The following PFKL variants were observed in gnomAD, a reference collection of about 807,000 sequenced individuals.
PFKL encodes phosphofructokinase, liver type, also known as ATP-dependent 6-phosphofructokinase, liver type.
Under a neutral mutation model 92.1 loss-of-function variants are expected in PFKL, and 74 were observed. The ratio of observed to expected loss-of-function variants is 0.80; its 90% CI spans 0.67 to 0.97. The LOEUF is 0.97. Among genes scored for constraint, PFKL ranks in the 50% least tolerant of loss-of-function variants. The probability of loss-of-function intolerance (pLI) is 0.00; values close to 1 mark genes in which losing one functional copy is unlikely to be tolerated. For synonymous variants in PFKL, 494 were observed against 456.4 expected (o/e 1.08, Z -1.05); for missense variants, 1,028 against 1,116.6 (o/e 0.92, Z 1.13).
intron 16 of PFKL, 66 bp from the exon 17 acceptor site, chr21:44,324,425 C>T: frequency 6.5e-7 from 1 of 1,546,476 alleles, no homozygotes; most frequent in Non-Finnish European, 8.9e-7. Context: ...TGCAGGGTAG[C>T]CATGCCGACG....
intron 14 of PFKL, among the ~76,000 whole-genome samples, 173 bp from the exon 15 acceptor site, chr21:44,322,789 G>A (rs573944801): frequency 7.9e-5 from 12 of 152,298 alleles, no homozygotes; most frequent in African/African-American, 2.6e-4. Context: ...GGCGGCTCAC[G>A]CTGGGCCTGT....
rs762774250 is a variant in PFKL, at chr21:44,313,681, G to A, written c.637G>A (p.Gly213Arg). ...FVLEVMGRHC[G>R]YLALVSALAS... ...GCTGGAAGTGATGGGCCGGCACTGC[G>A]GGTGAGGAGGGGCTTCCTGGCCCGC... The change falls in exon 6 of 22, where the codon GGG (glycine) becomes AGG (arginine). Residue 213 changes from glycine (G) to arginine (R), a missense_variant and splice_region_variant. By Grantham distance (125) the Gly-to-Arg change is moderately radical. Transcript: ENST00000349048. 8 of 1,611,142 alleles carry A rather than the reference G, an allele frequency of 5.0e-6. No individual in the cohort carries two copies. In the Admixed American group the frequency reaches 8.4e-5, roughly 17 times the overall value.
intron 1 of PFKL, among the ~76,000 whole-genome samples, chr21:44,301,529 T>C (rs1476447257): frequency 6.6e-6 from 1 of 152,048 alleles, no homozygotes; most frequent in Admixed American, 6.6e-5. Flanking sequence ...GCAGGCCGGG[T>C]GCGGTGGCTC....
chr21:44,323,108 C>T (rs1001340944), intron 15 of PFKL, 59 bp downstream of exon 15: 79 of 1,377,796 alleles, frequency 5.7e-5, no homozygotes, highest in Middle Eastern at 1.8e-4. Flanking sequence ...GGTGTCCTCC[C>T]GCCGAGGGGG....
At chr21:44,312,435 G>C in intron 4 of PFKL, 141 bp downstream of exon 4, 1 of 754,616 alleles carries the variant, frequency 1.3e-6, no homozygotes, top group Non-Finnish European at 2.0e-6. Context: ...GTTGGCCGGG[G>C]AGGAGTAGTG....
At chr21:44,303,839 A>C (rs986674866) in intron 1 of PFKL, among the ~76,000 whole-genome samples, 2 of 152,124 alleles carry the variant, frequency 1.3e-5, no homozygotes, top group African/African-American at 2.4e-5. Flanking sequence ...AGGGGTGGCT[A>C]TCACCTGCTG....
chr21:44,326,218 G>A lies in PFKL; in HGVS notation c.2149G>A (p.Val717Met), dbSNP rs1438807418. ...CGTGATCGGCCTGAAGAAGAAGGCG[G>A]TGGCCTTCAGCCCCGTCACTGAGCT... ...ACVIGLKKKAVAFSPVTELKK... is the reference protein window; with the variant it reads ...ACVIGLKKKAMAFSPVTELKK... The change falls in exon 21 of 22, where the codon GTG becomes ATG. Residue 717 changes from valine to methionine, a missense_variant. Val to Met is a conservative substitution (Grantham distance 21). Coordinates refer to ENST00000349048, the MANE Select transcript of PFKL (RefSeq NM_002626.6). The A allele has an allele frequency of 3.1e-6, 5 of 1,612,942 alleles. No homozygotes were observed. Among genetic ancestry groups the A allele is most frequent in the Non-Finnish European group, 4.2e-6 (5 of 1,179,714 alleles).
rs543931627 is a variant in PFKL, at chr21:44,311,191, C to G, written c.237+108C>G. The G allele has an allele frequency of 6.5e-6, 5 of 772,008 alleles. No homozygotes were observed. The East Asian group carries it at 1.4e-4, about 21-fold the overall frequency. 47.8% of individuals were successfully genotyped at this position (772,008 alleles called of 1,614,324 possible). A position where few individuals can be genotyped will look rare whatever the true frequency, so the allele number is the denominator to read the frequency against. ...ACACAGAGACAGACACGTGCACAAA[C>G]ACACACATGCAGACACACAGACATG... On this transcript the variant is annotated intron_variant, in intron 3 of 21. Transcript: ENST00000349048.
At position 44,327,216 on chromosome 21, in the gene PFKL, C is replaced by T. The variant is rs952509131; in HGVS notation, c.*354C>T. 5 of 304,478 alleles carry T rather than the reference C, an allele frequency of 1.6e-5. No homozygotes were observed. Among genetic ancestry groups the T allele is most frequent in the East Asian group, 1.3e-4 (2 of 15,956 alleles). 18.9% of individuals were successfully genotyped at this position (304,478 alleles called of 1,614,324 possible). On this transcript the variant is annotated 3_prime_UTR_variant, in exon 22 of 22. Coordinates refer to ENST00000349048, the MANE Select transcript of PFKL (RefSeq NM_002626.6). Reference sequence around the variant, plus strand: ...GGCTCACTACATGGGCCAGCCCTTGCTCTACCTGGCCGGTAGGCTGCTGGC... The same window carrying T: ...GGCTCACTACATGGGCCAGCCCTTGTTCTACCTGGCCGGTAGGCTGCTGGC...
intron 7 of PFKL, 40 bp from the exon 8 acceptor site, chr21:44,316,203 TC>T: frequency 6.3e-7 from 1 of 1,587,046 alleles, no homozygotes; most frequent in Middle Eastern, 1.7e-4. Context: ...GGGGCAGGTT[TC>T]CCTGCCTGGC....
intron 15 of PFKL, 93 bp from the exon 16 acceptor site, chr21:44,323,673 G>A: frequency 1.5e-6 from 2 of 1,362,158 alleles, no homozygotes; most frequent in South Asian, 1.3e-5. Flanking sequence ...CAGGTCAGCA[G>A]GGAGCAGGGC....
intron 9 of PFKL, among the ~76,000 whole-genome samples, chr21:44,316,828 G>A (rs949315030): frequency 2.6e-5 from 4 of 152,124 alleles, no homozygotes; most frequent in Non-Finnish European, 4.4e-5. Context: ...TGGCTTCTCC[G>A]TTCCCCTGCA....
Position 44,326,021 on chromosome 21 carries a change from C to CT in PFKL, c.2051dup (p.Trp685ValfsTer40), listed in dbSNP as rs1273606880. ...GACCAAGCTGGGGGTGAAGGCCATG[C>CT]TGTGGTTGTCGGAGAAGCTGCGCGA... On this transcript the variant is annotated frameshift_variant, in exon 20 of 22. Transcript: ENST00000349048. LOFTEE classifies it high-confidence loss of function. 1 of 1,613,894 alleles carries CT rather than the reference C, an allele frequency of 6.2e-7. No homozygotes were observed. The highest frequency in any genetic ancestry group is 8.5e-7 in the Non-Finnish European group (1 of 1,179,964).
chr21:44,303,067 T>C (rs763885853), intron 1 of PFKL, among the ~76,000 whole-genome samples: 1 of 152,024 alleles, frequency 6.6e-6, no homozygotes, highest in Non-Finnish European at 1.5e-5. Flanking sequence ...ACCTCGTCTC[T>C]ACTAAAAATA....
At chr21:44,306,807 C>T in intron 2 of PFKL, 53 bp downstream of exon 2, 1 of 1,504,618 alleles carries the variant, frequency 6.6e-7, no homozygotes, top group Non-Finnish European at 9.2e-7. Context: ...TCCTGAGGCG[C>T]ATGCCGAGGT....
At chr21:44,300,650 A>G (rs967088339) in intron 1 of PFKL, among the ~76,000 whole-genome samples, 8 of 152,174 alleles carry the variant, frequency 5.3e-5, no homozygotes, top group African/African-American at 1.7e-4. Flanking sequence ...TCACTCCCGG[A>G]CCGCGCCTCC....
At chr21:44,324,285 T>TG (rs1274260554) in intron 16 of PFKL, 4 of 606,634 alleles carry the variant, frequency 6.6e-6, no homozygotes, top group African/African-American at 3.7e-5. Context: ...CACTGTGCCC[T>TG]GGGGGGTGGG....
rs760676463 is a variant in PFKL at position 44,321,810 on chromosome 21, G to A, written c.1273G>A (p.Gly425Ser). ...GGCCGTGCGCTCGGCGGTGCGGACC[G>A]GCATCTCCCATGGACACACAGTATA... Reference protein sequence around the residue: ...NAAVRSAVRTGISHGHTVYVV... With the variant: ...NAAVRSAVRTSISHGHTVYVV... The change falls in exon 13 of 22, where the codon GGC (glycine) becomes AGC (serine). Residue 425 changes from glycine (G) to serine (S), a missense_variant. Transcript: ENST00000349048. 5.7e-5 allele frequency: 92 copies of A among 1,601,848 alleles called. No individual in the cohort carries two copies. The highest frequency in any genetic ancestry group is 5.0e-4 in the South Asian group (45 of 89,644).
chr21:44,302,956 G>C (rs1190042143), intron 1 of PFKL, among the ~76,000 whole-genome samples: 2 of 152,190 alleles, frequency 1.3e-5, no homozygotes, highest in African/African-American at 2.4e-5. Context: ...AAACAGGCCG[G>C]GCGCGGTGGC....
Sources: gnomAD v4.1 joint callset for allele counts (sites outside exome capture counted in the v4.1 genomes callset) on GRCh38, gnomAD v4.1.1 for gene constraint, MANE v1.5 for transcripts, NCBI Gene and HGNC (gene_info 2026-07-23, HGNC 2026-07-21) for gene names.